Variants in MOCS2 observed in about 807,000 individuals in gnomAD.
MOCS2 encodes the protein molybdopterin synthase catalytic subunit.
A neutral mutation model predicts 21.9 loss-of-function variants in MOCS2; 13 were observed. The ratio of observed to expected loss-of-function variants is 0.59; its 90% CI spans 0.39 to 0.94. The LOEUF is 0.94. MOCS2 is among the 40% of genes least tolerant of loss of function. The pLI, the probability that MOCS2 is intolerant of heterozygous loss-of-function variation, is 0.00. For synonymous variants in MOCS2, 92 were observed against 80.8 expected (o/e 1.14, Z -0.74); for missense variants, 227 against 218.3 (o/e 1.04, Z -0.25).
intron 3 of MOCS2, among the ~76,000 whole-genome samples, chr5:53,102,930 C>T (rs1358553530): frequency 7.8e-5 from 11 of 141,682 alleles, no homozygotes; most frequent in South Asian, 2.2e-4. Context: ...CCAGTCTGGG[C>T]GACAAAGTGA....
Position 53,109,595 on chromosome 5 carries a change from T to A in MOCS2, c.-514A>T. ...CCCGAACCCAAGACGCCGGCCAGGT[T>A]GGGGGCTAGTGGGGAGGTCCGACTG... is the stretch of plus-strand genomic sequence containing the variant. On this transcript the variant is annotated 5_prime_UTR_variant, in exon 1 of 7. Coordinates refer to ENST00000396954, the MANE Select transcript of MOCS2 (RefSeq NM_004531.5). 1 of 1,478,376 alleles carries A rather than the reference T, an allele frequency of 6.8e-7. No homozygotes were observed. The highest frequency in any genetic ancestry group is 9.0e-7 in the Non-Finnish European group (1 of 1,107,486). The allele number at this position is 1,478,376 out of a possible 1,614,324, so 91.6% of individuals were successfully genotyped here.
In MOCS2 at chr5:53,102,265, G is replaced by C. The variant is rs572521736; in HGVS notation, c.99-41C>G. 1.4e-4 allele frequency: 215 copies of C among 1,589,448 alleles called. 1 individual carries two copies. In the South Asian group the frequency reaches 2.3e-3, roughly 17 times the overall value. ...TAACAAACCTTAACAGAAGTCCTAG[G>C]GGTAAAACACTCAACAACTTATAGG... On this transcript the variant is annotated intron_variant, in intron 3 of 6. Coordinates refer to ENST00000396954, the MANE Select transcript of MOCS2 (RefSeq NM_004531.5).
At chr5:53,107,369 A>C in intron 2 of MOCS2, 148 bp from the exon 3 acceptor site, 1 of 719,262 alleles carries the variant, frequency 1.4e-6, no homozygotes, top group East Asian at 2.7e-5. Context: ...TATATGGAGA[A>C]AGGACATATC....
At chr5:53,109,124 G>T in intron 1 of MOCS2, 127 bp downstream of exon 1, 1 of 225,194 alleles carries the variant, frequency 4.4e-6, no homozygotes, top group Non-Finnish European at 7.5e-6. Context: ...ATTAAGTTAT[G>T]CAACATAGTA....
intron 2 of MOCS2, 40 bp downstream of exon 2, chr5:53,108,482 C>G: frequency 6.5e-7 from 1 of 1,545,736 alleles, no homozygotes; most frequent in Non-Finnish European, 8.8e-7. Flanking sequence ...TTGAAAATAT[C>G]TAAGTGTTAC....
chr5:53,095,990 C>G lies in MOCS2; in HGVS notation c.*2612G>C, dbSNP rs1329886967. On this transcript the variant is annotated 3_prime_UTR_variant, in exon 7 of 7. Coordinates refer to ENST00000396954, the MANE Select transcript of MOCS2 (RefSeq NM_004531.5). Reference sequence around the variant, plus strand: ...GGGCCTAATTTTCATTTCGGAACCACTACAGCCTGACTTTAAAGAAAATGG... The same window carrying G: ...GGGCCTAATTTTCATTTCGGAACCAGTACAGCCTGACTTTAAAGAAAATGG... 6.6e-6 allele frequency: 1 copy of G among 152,158 alleles called. No individual in the cohort carries two copies. The highest frequency in any genetic ancestry group is 1.5e-5 in the Non-Finnish European group (1 of 68,042). 9.4% of individuals were successfully genotyped at this position (152,158 alleles called of 1,614,324 possible). A position where few individuals can be genotyped will look rare whatever the true frequency, so the allele number is the denominator to read the frequency against.
At chr5:53,104,511 T>C (rs1490840273) in intron 3 of MOCS2, among the ~76,000 whole-genome samples, 1 of 152,228 alleles carries the variant, frequency 6.6e-6, no homozygotes, top group African/African-American at 2.4e-5. Context: ...TCCAAAAAAC[T>C]GCATTTTTAG....
In MOCS2 at chr5:53,097,016, G is replaced by GCAA. The variant is rs1168085714; in HGVS notation, c.*1583_*1585dup. On this transcript the variant is annotated 3_prime_UTR_variant, in exon 7 of 7. Transcript: ENST00000396954. The stretch of plus-strand genomic sequence containing the variant: ...ATGATAATGTGCTTTTAGATATAAT[G>GCAA]CAACAGCCAACACCCACCCCTTCTC... The GCAA allele has an allele frequency of 6.6e-6, 1 of 152,188 alleles. No homozygotes were observed. The highest frequency in any genetic ancestry group is 2.4e-5 in the African/African-American group (1 of 41,426). 9.4% of individuals were successfully genotyped at this position (152,188 alleles called of 1,614,324 possible).
At chr5:53,101,145 A>T in intron 5 of MOCS2, 1 of 601,720 alleles carries the variant, frequency 1.7e-6, no homozygotes, top group Non-Finnish European at 2.9e-6. Context: ...GCAGTTTGTT[A>T]CAGCAACAGA....
chr5:53,109,384 T>A lies in MOCS2; in HGVS notation c.-303A>T. 1 of 1,189,742 alleles carries A rather than the reference T, an allele frequency of 8.4e-7. No homozygotes were observed. Among genetic ancestry groups the A allele is most frequent in the Non-Finnish European group, 1.0e-6 (1 of 960,504 alleles). The allele number at this position is 1,189,742 out of a possible 1,614,324, so 73.7% of individuals were successfully genotyped here. A position where few individuals can be genotyped will look rare whatever the true frequency, so the allele number is the denominator to read the frequency against. On this transcript the variant is annotated 5_prime_UTR_variant, in exon 1 of 7. Transcript: ENST00000396954. ...AGGTGCATTTCTTTTTAGATTAAAA[T>A]TTTAGCTTCATCAAAACGAATAATC... is the stretch of plus-strand genomic sequence containing the variant.
intron 3 of MOCS2, among the ~76,000 whole-genome samples, chr5:53,105,725 A>G (rs1741031772): frequency 6.6e-6 from 1 of 152,234 alleles, no homozygotes; most frequent in African/African-American, 2.4e-5. Flanking sequence ...AAAATTGACA[A>G]ATGGGATCTA....
intron 6 of MOCS2, 128 bp downstream of exon 6, chr5:53,100,283 A>G: frequency 1.9e-6 from 2 of 1,062,226 alleles, no homozygotes; most frequent in East Asian, 2.5e-5. Context: ...TGGAAAGAAG[A>G]TATTTCACAG....
intron 2 of MOCS2, 72 bp downstream of exon 2, chr5:53,108,450 T>C: frequency 7.0e-7 from 1 of 1,429,398 alleles, no homozygotes. Context: ...ATTAACCTTT[T>C]TACTTTTATC....
chr5:53,109,348 A>C lies in MOCS2; in HGVS notation c.-267T>G. 9.0e-7 allele frequency: 1 copy of C among 1,106,172 alleles called. No homozygotes were observed. Among genetic ancestry groups the C allele is most frequent in the Non-Finnish European group, 1.1e-6 (1 of 908,184 alleles). 68.5% of individuals were successfully genotyped at this position (1,106,172 alleles called of 1,614,324 possible). On this transcript the variant is annotated 5_prime_UTR_variant, in exon 1 of 7. In the 5' UTR this introduces an upstream ATG that the reference lacks. Transcript: ENST00000396954. ...CAGATGAAGCACAGTTCTTCACAAG[A>C]ATTCTCCATGAGGTGCATTTCTTTT... is the stretch of plus-strand genomic sequence containing the variant.
chr5:53,106,766 GTTTT>G (rs949788699), intron 3 of MOCS2, among the ~76,000 whole-genome samples: 1 of 152,068 alleles, frequency 6.6e-6, no homozygotes, highest in Middle Eastern at 3.2e-3. Context: ...TTCTGAATTT[GTTTT>G]TTTACCTGCA....
rs759733127 is a variant in MOCS2, at chr5:53,108,661, G to C, written c.-169-18C>G. The C allele has an allele frequency of 8.1e-6, 13 of 1,610,250 alleles. No individual in the cohort carries two copies. In the East Asian group the frequency reaches 2.7e-4, roughly 33 times the overall value. Reference sequence around the variant, plus strand: ...ACTTCAACCTGAAAGTAAAGAAAATGCTTTTAATAACAACTCATACTCGTT... The same window carrying C: ...ACTTCAACCTGAAAGTAAAGAAAATCCTTTTAATAACAACTCATACTCGTT... On this transcript the variant is annotated intron_variant, in intron 1 of 6. Coordinates refer to ENST00000396954, the MANE Select transcript of MOCS2 (RefSeq NM_004531.5).
rs979711571 is a variant in MOCS2 at position 53,097,671 on chromosome 5, A to C, written c.*931T>G. The C allele has an allele frequency of 2.6e-5, 4 of 152,228 alleles. No individual in the cohort carries two copies. Among genetic ancestry groups the C allele is most frequent in the African/African-American group, 9.6e-5 (4 of 41,452 alleles). 9.4% of individuals were successfully genotyped at this position (152,228 alleles called of 1,614,324 possible). Reference sequence around the variant, plus strand: ...ATGTGAGCTGAGGAATATGTTAATTAGTTGGATTATGGTAATCACCTCACA... The same window carrying C: ...ATGTGAGCTGAGGAATATGTTAATTCGTTGGATTATGGTAATCACCTCACA... On this transcript the variant is annotated 3_prime_UTR_variant, in exon 7 of 7. Coordinates refer to ENST00000396954, the MANE Select transcript of MOCS2 (RefSeq NM_004531.5).
At position 53,107,094 on chromosome 5, in the gene MOCS2, A is replaced by C. The variant is rs756200686; in HGVS notation, c.81T>G (p.Ser27Arg). 3 of 1,614,126 alleles carry C rather than the reference A, an allele frequency of 1.9e-6. No homozygotes were observed. Among genetic ancestry groups the C allele is most frequent in the Non-Finnish European group, 2.5e-6 (3 of 1,180,000 alleles). ...LPLSPPLVED[S>R]AFEPSRKDMD... ...TCACATACCTAGATGGCTCAAAAGC[A>C]CTATCCTCCACTAATGGGGGGGATA... Residue 27 changes from serine (S) to arginine (R), a missense_variant, in exon 3 of 7, where the codon AGT becomes AGG. Coordinates refer to ENST00000396954, the MANE Select transcript of MOCS2 (RefSeq NM_004531.5).
intron 3 of MOCS2, among the ~76,000 whole-genome samples, chr5:53,105,299 G>A (rs1741021198): frequency 6.6e-6 from 1 of 152,086 alleles, no homozygotes; most frequent in African/African-American, 2.4e-5. Context: ...CAAAGCTGGA[G>A]GCATTACACT....
Sources: gnomAD v4.1 joint callset for allele counts (sites outside exome capture counted in the v4.1 genomes callset) on GRCh38, gnomAD v4.1.1 for gene constraint, MANE v1.5 for transcripts, NCBI Gene and HGNC (gene_info 2026-07-23, HGNC 2026-07-21) for gene names.